TENM1: variants seen among roughly 807,000 people sequenced by gnomAD.
TENM1 encodes the protein teneurin-1.
TENM1 carries 35 observed loss-of-function variants against 174.8 expected under a neutral mutation model. The ratio of observed to expected loss-of-function variants is 0.20; its 90% confidence interval spans 0.15 to 0.27. The LOEUF is 0.27. Ranked by LOEUF, TENM1 falls within the 10% of genes least tolerant of loss-of-function variation. The pLI, the probability that TENM1 is intolerant of heterozygous loss-of-function variation, is 1.00. For synonymous variants in TENM1, 781 were observed against 798.7 expected, an observed-to-expected ratio of 0.98 and a Z score of 0.37; for missense variants, 1,633 against 2,130.1, an observed-to-expected ratio of 0.77 and a Z score of 4.59.
At chrX:124,952,294 C>T (rs376273196) in intron 1 of TENM1, among the ~76,000 whole-genome samples, 57 of 109,622 alleles carry the variant, frequency 5.2e-4, no homozygotes, top group African/African-American at 1.9e-3. Context: ...AGAGAACAAC[C>T]CCATTACAAA....
At chrX:124,723,105 A>G (rs1209350027) in intron 4 of TENM1, among the ~76,000 whole-genome samples, 2 of 111,249 alleles carry the variant, frequency 1.8e-5, no homozygotes, top group Non-Finnish European at 3.8e-5. Flanking sequence ...CTTCCAATTC[A>G]CATGAAAGTT....
the TENM1 span, among the ~76,000 whole-genome samples, chrX:125,020,995 T>A: frequency 9.2e-6 from 1 of 109,069 alleles, no homozygotes; most frequent in African/African-American, 3.3e-5. Flanking sequence ...ACCCCATAGG[T>A]ATATAAGCAT....
chrX:124,405,251 G>A, exon 27 of TENM1: 1 of 1,203,871 alleles, frequency 8.3e-7, no homozygotes. Context: ...CACCCGATAG[G>A]TACTTTGAGT....
chrX:124,815,877 A>G (rs757953625), intron 3 of TENM1, among the ~76,000 whole-genome samples: 1 of 111,581 alleles, frequency 9.0e-6, no homozygotes, highest in East Asian at 2.8e-4. Flanking sequence ...AAAATAGCTG[A>G]GAGAAGGATT....
exon 6 of TENM1, chrX:124,671,787 T>C (rs767076841): frequency 5.8e-6 from 7 of 1,208,554 alleles, no homozygotes; most frequent in Non-Finnish European, 1.1e-6. Flanking sequence ...TGCATACAGC[T>C]CTCCTTCAAC....
At chrX:124,694,300 T>G (rs890342519) in intron 5 of TENM1, among the ~76,000 whole-genome samples, 11 of 111,934 alleles carry the variant, frequency 9.8e-5, no homozygotes, top group African/African-American at 2.6e-4. Flanking sequence ...AAGTCTGCCA[T>G]AGCTGGGCCC....
intron 20 of TENM1, among the ~76,000 whole-genome samples, chrX:124,491,077 AAG>A (rs1281100111): frequency 8.9e-6 from 1 of 112,275 alleles, no homozygotes; most frequent in Non-Finnish European, 1.9e-5. Flanking sequence ...TGTCAGGTAA[AAG>A]AGGGAAGTGA....
chrX:124,545,504 T>C (rs1390263219), intron 15 of TENM1, among the ~76,000 whole-genome samples: 1 of 112,210 alleles, frequency 8.9e-6, no homozygotes, highest in Non-Finnish European at 1.9e-5. Flanking sequence ...ATGGAGGTTG[T>C]TATTTCTTTC....
At chrX:124,979,572 A>C in the TENM1 span, among the ~76,000 whole-genome samples, 14 of 111,872 alleles carry the variant, frequency 1.3e-4, no homozygotes, top group Non-Finnish European at 1.1e-4. Context: ...TGTGACTTCT[A>C]GAAAATTTTA....
intron 16 of TENM1, among the ~76,000 whole-genome samples, chrX:124,525,097 ATATT>A (rs1326126872): frequency 8.0e-5 from 9 of 112,003 alleles, no homozygotes; most frequent in Middle Eastern, 4.6e-3. Context: ...GACATTTATT[ATATT>A]TATTATAGTA....
chrX:124,741,535 TA>T (rs201403905), intron 3 of TENM1, among the ~76,000 whole-genome samples: 4 of 109,206 alleles, frequency 3.7e-5, no homozygotes, highest in Admixed American at 9.8e-5. Context: ...AATGACGCAT[TA>T]AAAAAAAAGG....
intron 3 of TENM1, among the ~76,000 whole-genome samples, chrX:124,879,124 G>C (rs748542065): frequency 8.9e-6 from 1 of 111,870 alleles, no homozygotes; most frequent in African/African-American, 3.2e-5. Flanking sequence ...TCTATGTGTT[G>C]GGAACATTTC....
At chrX:124,692,177 A>G (rs377257892) in intron 5 of TENM1, among the ~76,000 whole-genome samples, 21 of 111,724 alleles carry the variant, frequency 1.9e-4, no homozygotes, top group African/African-American at 6.2e-4. Flanking sequence ...AGTTCAATAC[A>G]TAGCCATGGG....
chrX:124,553,512 A>T (rs1414193042), intron 14 of TENM1, among the ~76,000 whole-genome samples: 35 of 107,656 alleles, frequency 3.3e-4, no homozygotes, highest in African/African-American at 1.0e-3. Flanking sequence ...AAAAAAAAAA[A>T]AAAGTAGGTC....
At chrX:124,854,319 A>AT (rs1252417871) in intron 3 of TENM1, among the ~76,000 whole-genome samples, 1 of 111,235 alleles carries the variant, frequency 9.0e-6, no homozygotes. Flanking sequence ...ATTGAAAGGC[A>AT]TAAGAATGAT....
chrX:124,526,099 T>C (rs939647349), intron 16 of TENM1, among the ~76,000 whole-genome samples: 1 of 112,031 alleles, frequency 8.9e-6, no homozygotes, highest in Non-Finnish European at 1.9e-5. Flanking sequence ...AGTTATTTAA[T>C]GAAACACCAA....
chrX:125,187,196 G>T, the TENM1 span, among the ~76,000 whole-genome samples: 2 of 112,411 alleles, frequency 1.8e-5, no homozygotes, highest in East Asian at 5.6e-4. Context: ...GGAGGCGGAG[G>T]TTGCAGTGAG....
chrX:124,658,459 A>C (rs2051504976), intron 6 of TENM1, among the ~76,000 whole-genome samples: 3 of 111,828 alleles, frequency 2.7e-5, no homozygotes, highest in Admixed American at 1.9e-4. Context: ...GTCAAAACGT[A>C]CAACTTTTTT....
the TENM1 span, among the ~76,000 whole-genome samples, chrX:125,163,026 G>C: frequency 9.0e-6 from 1 of 111,260 alleles, no homozygotes; most frequent in African/African-American, 3.3e-5. Context: ...AGTTACCAAT[G>C]CTGCCCCCGC....
Sources: allele counts gnomAD v4.1 joint callset (sites outside exome capture counted in the v4.1 genomes callset), GRCh38; gene constraint gnomAD v4.1.1; transcripts MANE v1.5; gene names NCBI Gene and HGNC (gene_info 2026-07-23, HGNC 2026-07-21).